Variants in USP32 observed in about 807,000 individuals in gnomAD.
USP32 encodes ubiquitin carboxyl-terminal hydrolase 32.
A neutral mutation model predicts 204.8 loss-of-function variants in USP32; 59 were observed. The ratio of observed to expected loss-of-function variants is 0.29; its 90% CI spans 0.23 to 0.36. The LOEUF is 0.36. Ranked by LOEUF, USP32 falls within the 10% of genes least tolerant of loss-of-function variation. USP32 has a pLI of 1.00. For missense variants in USP32, 1,160 were observed against 1,946.4 expected, an observed-to-expected ratio of 0.60 and a Z score of 7.60; for synonymous variants, 517 against 678.4, an observed-to-expected ratio of 0.76 and a Z score of 3.70.
intron 5 of USP32, among the ~76,000 whole-genome samples, chr17:60,284,597 A>T (rs1301145663): frequency 6.6e-6 from 1 of 152,218 alleles, no homozygotes; most frequent in Non-Finnish European, 1.5e-5. Context: ...TGATTTTCAA[A>T]TAAAACGGAG....
rs564004795 is a variant in USP32, at chr17:60,222,835, C to T, written c.1609-286G>A. ...TATCTGGGATTACAGGCACACGTCA[C>T]CATGCCCGGCTAATTTTTGTATTTT... On this transcript the variant is annotated intron_variant, in intron 14 of 33. Transcript: ENST00000300896. Among the ~76,000 whole-genome samples, 5 of 151,974 alleles carry T rather than the reference C, an allele frequency of 3.3e-5. No homozygotes were observed. In the South Asian group the frequency reaches 1.0e-3, roughly 32 times the overall value.
At chr17:60,203,573 AT>A in intron 26 of USP32, among the ~76,000 whole-genome samples, 1 of 151,058 alleles carries the variant, frequency 6.6e-6, no homozygotes, top group East Asian at 2.0e-4. Flanking sequence ...GCTTTCCTTT[AT>A]TTTATTTATT....
At position 60,284,294 on chromosome 17, in the gene USP32, AC is replaced by A. The variant is rs750323866; in HGVS notation, c.571+4228del. 1.3e-3 allele frequency among the ~76,000 whole-genome samples: 193 copies of A among 149,938 alleles called. 1 individual carries two copies. The highest frequency in any genetic ancestry group is 5.5e-4 in the Non-Finnish European group (37 of 67,494). On this transcript the variant is annotated intron_variant, in intron 5 of 33. Coordinates refer to ENST00000300896, the MANE Select transcript of USP32 (RefSeq NM_032582.4). ...AGTGGCATGATCTTGGCTCACTGCA[AC>A]CCCCGCCTCCCAGGTTCAAGTGATT...
intron 1 of USP32, among the ~76,000 whole-genome samples, chr17:60,402,354 G>A (rs1486582233): frequency 6.7e-6 from 1 of 148,852 alleles, no homozygotes; most frequent in Non-Finnish European, 1.5e-5. Flanking sequence ...AGGCTCAAGT[G>A]ATTCTCCCAC....
At chr17:60,309,914 T>C (rs2087813701) in intron 2 of USP32, among the ~76,000 whole-genome samples, 1 of 152,028 alleles carries the variant, frequency 6.6e-6, no homozygotes, top group Admixed American at 6.5e-5. Flanking sequence ...CATGGTGGCA[T>C]GTGCCTGTAA....
chr17:60,393,179 C>T (rs2089869128), upstream of USP32, among the ~76,000 whole-genome samples: 1 of 152,186 alleles, frequency 6.6e-6, no homozygotes, highest in Non-Finnish European at 1.5e-5. Context: ...TTTCACTACT[C>T]TTAAGTATTT....
intron 10 of USP32, 97 bp downstream of exon 10, chr17:60,255,078 C>A: frequency 4.3e-6 from 3 of 692,542 alleles, no homozygotes; most frequent in Non-Finnish European, 6.8e-6. Context: ...TATGGTTTTG[C>A]AGCCTAGATA....
intron 1 of USP32, among the ~76,000 whole-genome samples, chr17:60,358,685 G>A (rs1433529435): frequency 6.6e-6 from 1 of 152,162 alleles, no homozygotes. Flanking sequence ...CTAAAAATGA[G>A]ATTAAAAAAT....
At chr17:60,349,468 T>G (rs1202527044) in intron 1 of USP32, among the ~76,000 whole-genome samples, 1 of 147,580 alleles carries the variant, frequency 6.8e-6, no homozygotes, top group Non-Finnish European at 1.5e-5. Flanking sequence ...TAATCCCAGT[T>G]ACTCAGGTGG....
In USP32 at chr17:60,354,339, ATAGGATAG is replaced by A. The variant is rs1054632869; in HGVS notation, c.59-8739_59-8732del. 1.1e-4 allele frequency among the ~76,000 whole-genome samples: 16 copies of A among 152,282 alleles called. No homozygotes were observed. In the East Asian group the frequency reaches 2.9e-3, roughly 28 times the overall value. ...AGGACCATGCATTCTGATTTCTGTT[ATAGGATAG>A]GAGTTTCCGTTTTAACAGTTTGGTT... On this transcript the variant is annotated intron_variant, in intron 1 of 33. Coordinates refer to ENST00000300896, the MANE Select transcript of USP32 (RefSeq NM_032582.4).
chr17:60,245,867 T>A (rs892988681), intron 11 of USP32, among the ~76,000 whole-genome samples: 48 of 151,528 alleles, frequency 3.2e-4, no homozygotes, highest in East Asian at 7.7e-4. Flanking sequence ...TGTTTTTTTT[T>A]AAAAAGCTTT....
At chr17:60,392,692 T>C (rs1251973649), upstream of USP32, 1 of 433,802 alleles carries the variant, frequency 2.3e-6, no homozygotes, top group Non-Finnish European at 4.6e-6. Flanking sequence ...TGGGAGGGCG[T>C]TGTGAAAGGA....
chr17:60,345,413 C>T, intron 2 of USP32, 68 bp downstream of exon 2: 2 of 1,582,444 alleles, frequency 1.3e-6, no homozygotes, highest in African/African-American at 1.4e-5. Context: ...AGCAGAAGGC[C>T]CCTCAGGAAT....
chr17:60,340,865 G>A (rs1344278529), intron 2 of USP32, among the ~76,000 whole-genome samples: 1 of 152,058 alleles, frequency 6.6e-6, no homozygotes, highest in Non-Finnish European at 1.5e-5. Flanking sequence ...GGCAGGCCTG[G>A]TGGTGACAAA....
intron 11 of USP32, among the ~76,000 whole-genome samples, chr17:60,247,876 G>A (rs2086074178): frequency 6.6e-6 from 1 of 152,086 alleles, no homozygotes; most frequent in African/African-American, 2.4e-5. Context: ...AGTAGAGACG[G>A]GGTTTCACCG....
intron 11 of USP32, among the ~76,000 whole-genome samples, chr17:60,246,888 G>C (rs1598136131): frequency 6.6e-6 from 1 of 152,052 alleles, no homozygotes; most frequent in East Asian, 1.9e-4. Flanking sequence ...TGGGTTATTT[G>C]GTTTTTTGTT....
chr17:60,414,802 C>T (rs1231575542), intron 1 of USP32, among the ~76,000 whole-genome samples: 1 of 151,834 alleles, frequency 6.6e-6, no homozygotes, highest in Admixed American at 6.6e-5. Flanking sequence ...TAGCTAGGTG[C>T]CTGGAATTTC....
chr17:60,275,650 C>G (rs972577450), intron 5 of USP32, among the ~76,000 whole-genome samples: 5 of 152,042 alleles, frequency 3.3e-5, no homozygotes, highest in African/African-American at 9.7e-5. Context: ...AGCAAAGTAA[C>G]TCTTAAGTTA....
intron 11 of USP32, among the ~76,000 whole-genome samples, chr17:60,241,534 T>C (rs79884210): frequency 0.06 from 9,155 of 152,114 alleles, 356 homozygotes; most frequent in East Asian, 0.11. Context: ...AGTTTGTTCT[T>C]TATTTTTCAA....
Sources: allele counts gnomAD v4.1 joint callset (sites outside exome capture counted in the v4.1 genomes callset), GRCh38; gene constraint gnomAD v4.1.1; transcripts MANE v1.5; gene names NCBI Gene and HGNC (gene_info 2026-07-23, HGNC 2026-07-21).